The following MEGF10 variants were observed in gnomAD, a reference collection of about 807,000 sequenced individuals.
The protein encoded by MEGF10 is multiple epidermal growth factor-like domains protein 10.
Under a neutral mutation model 147.5 loss-of-function variants are expected in MEGF10, and 86 were observed. The observed-to-expected ratio is 0.58, with a 90% CI of 0.49 to 0.70. MEGF10 has a LOEUF of 0.70. Ranked by LOEUF, MEGF10 falls within the 30% of genes least tolerant of loss-of-function variation. The pLI is 0.00. For missense variants in MEGF10, 1,329 were observed against 1,487.3 expected (o/e 0.89, Z 1.75); for synonymous variants, 478 against 525.5 (o/e 0.91, Z 1.24).
At position 127,443,136 on chromosome 5, in the gene MEGF10, C is replaced by A; in HGVS notation, c.2491+10C>A. The A allele has an allele frequency of 6.2e-7, 1 of 1,610,220 alleles. No homozygotes were observed. Among genetic ancestry groups the A allele is most frequent in the Non-Finnish European group, 8.5e-7 (1 of 1,177,884 alleles). On this transcript the variant is annotated intron_variant, in intron 19 of 24. Transcript: ENST00000503335. ...GCGAGATGTGATCAAGGTAAATATA[C>A]TAGCTAATGTTTGTAGCACTGCAGT...
At chr5:127,383,157 CT>C (rs1453142378) in intron 5 of MEGF10, among the ~76,000 whole-genome samples, 1 of 152,064 alleles carries the variant, frequency 6.6e-6, no homozygotes, top group Non-Finnish European at 1.5e-5. Context: ...TTATTTGCAT[CT>C]TTTTAACAGT....
chr5:127,358,096 C>G (rs1261913819), intron 4 of MEGF10, among the ~76,000 whole-genome samples: 2 of 152,168 alleles, frequency 1.3e-5, no homozygotes, highest in African/African-American at 4.8e-5. Flanking sequence ...ATTCTAACTG[C>G]TTGATTTATA....
intron 20 of MEGF10, among the ~76,000 whole-genome samples, chr5:127,446,548 G>C (rs2127026803): frequency 6.6e-6 from 1 of 152,306 alleles, no homozygotes; most frequent in East Asian, 1.9e-4. Flanking sequence ...TGTGGATACT[G>C]TGAACAAAAG....
At chr5:127,404,936 G>A (rs115507490) in intron 8 of MEGF10, among the ~76,000 whole-genome samples, 6,585 of 151,998 alleles carry the variant, frequency 0.043, 170 homozygotes, top group African/African-American at 0.079. Context: ...GGTTGGTATC[G>A]AACTCCTGAG....
At chr5:127,420,253 G>C (rs1285139890) in intron 12 of MEGF10, 46 bp downstream of exon 12, 1 of 1,585,996 alleles carries the variant, frequency 6.3e-7, no homozygotes, top group Non-Finnish European at 8.6e-7. Context: ...ATGAGGAACT[G>C]ATGTTGTAAA....
At chr5:127,297,368 C>T (rs1279546958) in intron 1 of MEGF10, among the ~76,000 whole-genome samples, 1 of 152,090 alleles carries the variant, frequency 6.6e-6, no homozygotes. Flanking sequence ...TAAAAAAGTA[C>T]ACATTGCATG....
chr5:127,319,336 A>G (rs766225595), intron 1 of MEGF10, among the ~76,000 whole-genome samples: 27 of 152,114 alleles, frequency 1.8e-4, no homozygotes, highest in Non-Finnish European at 3.4e-4. Context: ...TCGGCCTCCC[A>G]AGGTATTAGG....
At chr5:127,316,992 C>A (rs1214811122) in intron 1 of MEGF10, among the ~76,000 whole-genome samples, 3 of 152,188 alleles carry the variant, frequency 2.0e-5, no homozygotes, top group Non-Finnish European at 4.4e-5. Flanking sequence ...TGGGCGAAGA[C>A]AGAGGAGTGA....
intron 8 of MEGF10, among the ~76,000 whole-genome samples, chr5:127,403,645 T>A (rs1764214479): frequency 6.6e-6 from 1 of 152,156 alleles, no homozygotes; most frequent in Admixed American, 6.6e-5. Flanking sequence ...TGTCCATGAG[T>A]TCAATTGTTT....
At chr5:127,418,831 G>GA (rs1180333200) in intron 10 of MEGF10, among the ~76,000 whole-genome samples, 8 of 149,654 alleles carry the variant, frequency 5.3e-5, no homozygotes, top group African/African-American at 1.9e-4. Context: ...ATGAAAAAGG[G>GA]TTTTTATTGT....
chr5:127,442,778 G>C (rs760968380), intron 18 of MEGF10, among the ~76,000 whole-genome samples: 2 of 152,176 alleles, frequency 1.3e-5, no homozygotes, highest in African/African-American at 4.8e-5. Flanking sequence ...GAGCTCTAAT[G>C]TTGAGCAGCC....
At chr5:127,293,923 A>G (rs1759378498) in intron 1 of MEGF10, among the ~76,000 whole-genome samples, 1 of 152,204 alleles carries the variant, frequency 6.6e-6, no homozygotes, top group Non-Finnish European at 1.5e-5. Context: ...AGCACTTCTC[A>G]GGGTTATTTT....
rs1224846404 is a variant in MEGF10 at position 127,445,439 on chromosome 5, T to C, written c.2492-18T>C. On this transcript the variant is annotated intron_variant, in intron 19 of 24. Coordinates refer to ENST00000503335, the MANE Select transcript of MEGF10 (RefSeq NM_001256545.2). The stretch of plus-strand genomic sequence containing the variant: ...CAGCACATTGTCATCCTTTCTCAAG[T>C]CTCTCTTCTTTTTCTAGCTGGTGTT... The C allele has an allele frequency of 1.3e-5, 21 of 1,587,152 alleles. No homozygotes were observed. Among genetic ancestry groups the C allele is most frequent in the Non-Finnish European group, 1.8e-5 (21 of 1,155,902 alleles).
chr5:127,335,978 C>CT (rs1761454871), intron 2 of MEGF10, among the ~76,000 whole-genome samples: 1 of 148,604 alleles, frequency 6.7e-6, no homozygotes, highest in African/African-American at 2.5e-5. Context: ...GTTGAAAAGG[C>CT]TTAGTACCTT....
the MEGF10 span, among the ~76,000 whole-genome samples, chr5:127,258,156 C>A: frequency 6.6e-6 from 1 of 152,098 alleles, no homozygotes; most frequent in Non-Finnish European, 1.5e-5. Context: ...TCTCTTCCTG[C>A]TGGAATAAAA....
chr5:127,361,067 G>GAA (rs1762454906), intron 4 of MEGF10, among the ~76,000 whole-genome samples: 2 of 151,816 alleles, frequency 1.3e-5, no homozygotes, highest in Non-Finnish European at 2.9e-5. Flanking sequence ...TTGGGAAGCT[G>GAA]GGAAGTAGTC....
intron 4 of MEGF10, among the ~76,000 whole-genome samples, chr5:127,362,564 C>G (rs1370639606): frequency 6.6e-6 from 1 of 151,940 alleles, no homozygotes; most frequent in Non-Finnish European, 1.5e-5. Context: ...TGAGGTTTCA[C>G]CGTGTTTGCC....
chr5:127,256,632 G>A, the MEGF10 span, among the ~76,000 whole-genome samples: 7,180 of 152,174 alleles, frequency 0.047, 286 homozygotes, highest in African/African-American at 0.1. Context: ...CCCTATACCT[G>A]TTGCTAAGGG....
chr5:127,382,310 T>C (rs928731548), intron 5 of MEGF10, among the ~76,000 whole-genome samples: 1 of 152,210 alleles, frequency 6.6e-6, no homozygotes, highest in Non-Finnish European at 1.5e-5. Context: ...GTAGAGTTTA[T>C]AAGAACATAG....
Sources: allele counts gnomAD v4.1 joint callset (sites outside exome capture counted in the v4.1 genomes callset), GRCh38; gene constraint gnomAD v4.1.1; transcripts MANE v1.5; gene names NCBI Gene and HGNC (gene_info 2026-07-23, HGNC 2026-07-21).